SLC1A1: variants seen among roughly 807,000 people sequenced by gnomAD.
The protein encoded by SLC1A1 is excitatory amino acid transporter 3.
A neutral mutation model predicts 53.3 loss-of-function variants in SLC1A1; 43 were observed. That is an observed-to-expected ratio of 0.81 (90% CI 0.63 to 1.04). The LOEUF (loss-of-function observed/expected upper bound fraction) is 1.04, where lower values mean the gene tolerates loss of function less well. Ranked by LOEUF, SLC1A1 falls within the 50% of genes least tolerant of loss-of-function variation. The pLI is 0.00. For missense variants in SLC1A1, 748 were observed against 664.9 expected, an observed-to-expected ratio of 1.12 and a Z score of -1.37; for synonymous variants, 307 against 243.2, an observed-to-expected ratio of 1.26 and a Z score of -2.44.
At chr9:4,494,139 T>C (rs931839957) in intron 1 of SLC1A1, among the ~76,000 whole-genome samples, 1 of 152,206 alleles carries the variant, frequency 6.6e-6, no homozygotes, top group Non-Finnish European at 1.5e-5. Flanking sequence ...ACAATTCTTA[T>C]AGGCTTATTC....
At chr9:4,494,734 A>G (rs1820355923) in intron 1 of SLC1A1, among the ~76,000 whole-genome samples, 1 of 152,074 alleles carries the variant, frequency 6.6e-6, no homozygotes, top group Non-Finnish European at 1.5e-5. Context: ...TCCAAGCAGA[A>G]TTACTGAGTG....
At chr9:4,564,481 G>C (rs761973430) in intron 4 of SLC1A1, 23 bp downstream of exon 4, 3 of 1,437,432 alleles carry the variant, frequency 2.1e-6, no homozygotes, top group Non-Finnish European at 2.0e-6. Context: ...CCACAAGGTG[G>C]CTTCAAGGGC....
chr9:4,567,870 CA>C, intron 6 of SLC1A1, 103 bp downstream of exon 6: 1 of 801,322 alleles, frequency 1.2e-6, no homozygotes, highest in Non-Finnish European at 2.2e-6. Flanking sequence ...ATCGCATTTG[CA>C]AATTCACCTA....
chr9:4,503,685 T>C (rs1227326006), intron 1 of SLC1A1, among the ~76,000 whole-genome samples: 2 of 151,900 alleles, frequency 1.3e-5, no homozygotes, highest in African/African-American at 2.4e-5. Flanking sequence ...CATGGAACTA[T>C]AATTTAATAT....
At chr9:4,550,517 A>G (rs1180406300) in intron 2 of SLC1A1, among the ~76,000 whole-genome samples, 2 of 152,048 alleles carry the variant, frequency 1.3e-5, no homozygotes, top group Admixed American at 6.6e-5. Context: ...AAGCCTTCCT[A>G]GTGGCTGGGA....
chr9:4,512,657 G>C (rs576351018), intron 1 of SLC1A1, among the ~76,000 whole-genome samples: 1 of 152,254 alleles, frequency 6.6e-6, no homozygotes, highest in African/African-American at 2.4e-5. Context: ...TTGGTGAAAA[G>C]GTAGACATGG....
chr9:4,573,641 C>T (rs992365520), intron 7 of SLC1A1, among the ~76,000 whole-genome samples: 2 of 152,150 alleles, frequency 1.3e-5, no homozygotes, highest in Admixed American at 6.5e-5. Context: ...GCGCACCCAT[C>T]TAACCACATG....
At chr9:4,528,774 G>T (rs539471473) in intron 1 of SLC1A1, among the ~76,000 whole-genome samples, 3 of 150,180 alleles carry the variant, frequency 2.0e-5, no homozygotes, top group South Asian at 2.1e-4. Flanking sequence ...TAATATATGC[G>T]GCCTCATCCA....
chr9:4,508,878 G>A lies in SLC1A1; in HGVS notation c.91+18108G>A, dbSNP rs149595349. ...CCTACAGTGTGTCAAGCTTGATGCC[G>A]GGGCGGTGGGGTACAGGAATGAGCA... On this transcript the variant is annotated intron_variant, in intron 1 of 11. Coordinates refer to ENST00000262352, the MANE Select transcript of SLC1A1 (RefSeq NM_004170.6). Among the ~76,000 whole-genome samples, 325 of 152,294 alleles carry A rather than the reference G, an allele frequency of 2.1e-3. 3 individuals are homozygous for A. The highest frequency in any genetic ancestry group is 6.8e-3 in the Middle Eastern group (2 of 294).
At chr9:4,526,901 C>A (rs1816282179) in intron 1 of SLC1A1, among the ~76,000 whole-genome samples, 1 of 151,994 alleles carries the variant, frequency 6.6e-6, no homozygotes, top group Non-Finnish European at 1.5e-5. Context: ...TGGGATTTCA[C>A]ATTCATAATT....
rs1817080738 is a variant in SLC1A1, at chr9:4,542,247, T to C, written c.92-2320T>C. Among the ~76,000 whole-genome samples the C allele has an allele frequency of 2.6e-5, 4 of 152,172 alleles. No individual in the cohort carries two copies. In the South Asian group the frequency reaches 8.3e-4, roughly 32 times the overall value. On this transcript the variant is annotated intron_variant, in intron 1 of 11. Coordinates refer to ENST00000262352, the MANE Select transcript of SLC1A1 (RefSeq NM_004170.6). ...GGAGTACAATTTGTGGCACTCAATT[T>C]CAAGAACAAGCTTGATAGAAAGTTG...
At chr9:4,538,893 A>G (rs1210582798) in intron 1 of SLC1A1, among the ~76,000 whole-genome samples, 4 of 152,230 alleles carry the variant, frequency 2.6e-5, no homozygotes, top group African/African-American at 7.2e-5. Context: ...GTGTTCTTCT[A>G]AACTTATTTA....
Position 4,544,781 on chromosome 9 carries a change from T to C in SLC1A1, c.232+74T>C, listed in dbSNP as rs1817317126. The C allele has an allele frequency of 2.4e-6, 3 of 1,247,146 alleles. No homozygotes were observed. In the East Asian group the frequency reaches 6.9e-5, roughly 29 times the overall value. 77.3% of individuals were successfully genotyped at this position (1,247,146 alleles called of 1,614,324 possible). A position where few individuals can be genotyped will look rare whatever the true frequency, so the allele number is the denominator to read the frequency against. ...CTGTAAAGAACTTCCTGAGACTAGG[T>C]AATTTATAAAGGAAAGAGGTTTAAT... On this transcript the variant is annotated intron_variant, in intron 2 of 11. Coordinates refer to ENST00000262352, the MANE Select transcript of SLC1A1 (RefSeq NM_004170.6).
At chr9:4,575,834 A>G (rs1820492016) in intron 8 of SLC1A1, among the ~76,000 whole-genome samples, 167 bp from the exon 9 acceptor site, 1 of 152,104 alleles carries the variant, frequency 6.6e-6, no homozygotes, top group African/African-American at 2.4e-5. Context: ...GAGCCTCTAA[A>G]CCCTCATACA....
intron 1 of SLC1A1, among the ~76,000 whole-genome samples, chr9:4,504,816 T>C (rs1425801540): frequency 6.6e-6 from 1 of 152,208 alleles, no homozygotes; most frequent in Non-Finnish European, 1.5e-5. Flanking sequence ...AATATACCTT[T>C]CACTGTGCAA....
chr9:4,527,514 C>G (rs997980809), intron 1 of SLC1A1, among the ~76,000 whole-genome samples: 2 of 152,104 alleles, frequency 1.3e-5, no homozygotes, highest in Non-Finnish European at 2.9e-5. Context: ...TATCTGAGTA[C>G]TATGATCAAT....
intron 1 of SLC1A1, among the ~76,000 whole-genome samples, chr9:4,505,041 A>ATTTTT (rs1820752237): frequency 6.8e-5 from 5 of 73,792 alleles, no homozygotes; most frequent in Non-Finnish European, 5.8e-5. Context: ...GTGTACATAT[A>ATTTTT]TTTCTTTTTT....
chr9:4,530,208 T>G (rs1267343269), intron 1 of SLC1A1, among the ~76,000 whole-genome samples: 3 of 152,118 alleles, frequency 2.0e-5, no homozygotes, highest in African/African-American at 7.2e-5. Context: ...CTTCCCTTTC[T>G]CTCAATTTCC....
At chr9:4,572,506 T>C in intron 7 of SLC1A1, 118 bp downstream of exon 7, 1 of 918,036 alleles carries the variant, frequency 1.1e-6, no homozygotes, top group Non-Finnish European at 1.8e-6. Context: ...GGACATTTAA[T>C]ATTGAACCAC....
Sources: gnomAD v4.1 joint callset for allele counts (sites outside exome capture counted in the v4.1 genomes callset) on GRCh38, gnomAD v4.1.1 for gene constraint, MANE v1.5 for transcripts, NCBI Gene and HGNC (gene_info 2026-07-23, HGNC 2026-07-21) for gene names.